The following CUX1 variants were observed in gnomAD, a reference collection of about 807,000 sequenced individuals.
CUX1 encodes the protein protein CASP.
In CUX1, 31 loss-of-function variants were observed where a neutral mutation model predicts 158.8. The observed-to-expected ratio is 0.20, with a 90% CI of 0.15 to 0.26. CUX1 has a LOEUF of 0.26. Ranked by LOEUF, CUX1 falls within the 10% of genes least tolerant of loss-of-function variation. The pLI is 1.00. For missense variants in CUX1, 1,589 were observed against 2,014.6 expected (o/e 0.79, Z 4.04); for synonymous variants, 879 against 862.1 (o/e 1.02, Z -0.34).
At chr7:102,020,769 A>G (rs1049282508) in intron 2 of CUX1, among the ~76,000 whole-genome samples, 1 of 152,110 alleles carries the variant, frequency 6.6e-6, no homozygotes, top group African/African-American at 2.4e-5. Flanking sequence ...AATCCCAGCT[A>G]CTTGGGAAGC....
At position 102,256,507 on chromosome 7, in the gene CUX1, G is replaced by A. The variant is rs1434115976; in HGVS notation, c.*7465G>A. ...CCAAGGCGTCTGGGGGATTGACTGG[G>A]GGGCAGAGGGGGTTTCCCCAGCAAA... On this transcript the variant is annotated 3_prime_UTR_variant, in exon 24 of 24. Transcript: ENST00000292535. 5.1e-6 allele frequency: 5 copies of A among 985,246 alleles called. No homozygotes were observed. The highest frequency in any genetic ancestry group is 6.0e-6 in the Non-Finnish European group (5 of 829,944). The allele number at this position is 985,246 out of a possible 1,614,324, so 61.0% of individuals were successfully genotyped here.
chr7:101,964,733 T>C (rs181057459), intron 2 of CUX1, among the ~76,000 whole-genome samples: 2 of 152,316 alleles, frequency 1.3e-5, no homozygotes, highest in East Asian at 3.9e-4. Flanking sequence ...CAGAATATTA[T>C]CGTTTCAGAG....
chr7:101,840,005 G>A (rs570481667), intron 1 of CUX1, among the ~76,000 whole-genome samples: 13 of 152,268 alleles, frequency 8.5e-5, no homozygotes, highest in South Asian at 4.1e-4. Flanking sequence ...CAGGTGATCC[G>A]TCTGCCTCGG....
intron 8 of CUX1, among the ~76,000 whole-genome samples, chr7:102,144,579 G>A (rs1380857034): frequency 2.0e-5 from 3 of 150,424 alleles, no homozygotes; most frequent in South Asian, 2.1e-4. Flanking sequence ...GCTGAGGTGG[G>A]AGGATTGCTT....
intron 18 of CUX1, chr7:102,278,070 G>C: frequency 6.2e-7 from 1 of 1,602,062 alleles, no homozygotes; most frequent in Non-Finnish European, 8.5e-7. Context: ...GGCCGGGTGA[G>C]GGCCCTCCCC....
intron 3 of CUX1, among the ~76,000 whole-genome samples, chr7:102,063,988 A>T (rs1013012103): frequency 2.0e-5 from 3 of 152,148 alleles, no homozygotes; most frequent in African/African-American, 7.2e-5. Context: ...GAGCCTGCAG[A>T]TCAGGGTAGC....
At chr7:102,128,813 A>T (rs1282793803) in intron 8 of CUX1, among the ~76,000 whole-genome samples, 4 of 151,992 alleles carry the variant, frequency 2.6e-5, no homozygotes, top group African/African-American at 9.7e-5. Context: ...CCCTGTCTCT[A>T]TTAAAAATAC....
At chr7:102,170,710 G>A (rs1017138660) in intron 10 of CUX1, among the ~76,000 whole-genome samples, 160 bp downstream of exon 10, 71 of 152,228 alleles carry the variant, frequency 4.7e-4, no homozygotes, top group African/African-American at 1.3e-3. Flanking sequence ...ATTGGGGGCC[G>A]GAGCTTGTTA....
chr7:102,235,119 G>A (rs896109948), intron 22 of CUX1, among the ~76,000 whole-genome samples: 3 of 152,182 alleles, frequency 2.0e-5, no homozygotes, highest in African/African-American at 4.8e-5. Context: ...ATGTCATCTC[G>A]AATGTGGATT....
At chr7:102,158,499 C>T (rs1790039611) in intron 8 of CUX1, 61 bp from the exon 9 acceptor site, 1 of 1,553,572 alleles carries the variant, frequency 6.4e-7, no homozygotes, top group Admixed American at 1.7e-5. Flanking sequence ...GCTGTCCCAT[C>T]AGTCACCCCC....
Position 102,097,476 on chromosome 7 carries a change from G to A in CUX1, c.381G>A (p.Lys127=). The change falls in exon 5 of 24, where the codon AAG becomes AAA. Residue 127 remains lysine, a synonymous_variant. Coordinates refer to ENST00000292535, the MANE Select transcript of CUX1 (RefSeq NM_181552.4). The part of the protein sequence containing the change: ...KLRETLEEYN[K]EFAEVKNQEV... ...GGGAAACTCTGGAAGAATACAACAA[G>A]GAATTTGCTGAAGTGAAAAATCAAG... is the stretch of plus-strand genomic sequence containing the variant. 1 of 1,605,742 alleles carries A rather than the reference G, an allele frequency of 6.2e-7. No homozygotes were observed.
chr7:101,935,279 T>TTCCTTTACCTACCCAAA (rs1194185656), intron 2 of CUX1, among the ~76,000 whole-genome samples: 1 of 152,166 alleles, frequency 6.6e-6, no homozygotes, highest in Non-Finnish European at 1.5e-5. Flanking sequence ...GACTGTAATT[T>TTCCTTTACCTACCCAAA]TCCTTTACCT....
Position 101,931,632 on chromosome 7 carries a change from C to G in CUX1, c.141+15407C>G, listed in dbSNP as rs542767795. On this transcript the variant is annotated intron_variant, in intron 2 of 23. Transcript: ENST00000292535. Reference sequence around the variant, plus strand: ...CCAGGCTGGAGTGCAATGGCACAATCTCAGCTCACTGCAACCTCTGCCTTC... The same window carrying G: ...CCAGGCTGGAGTGCAATGGCACAATGTCAGCTCACTGCAACCTCTGCCTTC... 1.1e-3 allele frequency among the ~76,000 whole-genome samples: 169 copies of G among 152,276 alleles called. 1 individual carries two copies. Among genetic ancestry groups the G allele is most frequent in the Non-Finnish European group, 1.6e-3 (106 of 68,028 alleles).
At chr7:101,851,562 G>T (rs1459387891) in intron 1 of CUX1, among the ~76,000 whole-genome samples, 1 of 152,180 alleles carries the variant, frequency 6.6e-6, no homozygotes, top group Non-Finnish European at 1.5e-5. Context: ...CAAATCCCAG[G>T]TTGGAAAACA....
chr7:102,204,684 C>A, intron 19 of CUX1, 128 bp downstream of exon 19: 1 of 1,233,564 alleles, frequency 8.1e-7, no homozygotes, highest in Non-Finnish European at 1.1e-6. Flanking sequence ...AACCACACTC[C>A]CCACCGTGGG....
chr7:102,159,783 C>T (rs1450074946), intron 9 of CUX1, among the ~76,000 whole-genome samples: 1 of 152,084 alleles, frequency 6.6e-6, no homozygotes, highest in African/African-American at 2.4e-5. Context: ...ATCACTTGAA[C>T]CCTGGAGGCA....
intron 1 of CUX1, among the ~76,000 whole-genome samples, chr7:101,897,513 A>G (rs1327074477): frequency 6.8e-6 from 1 of 146,078 alleles, no homozygotes; most frequent in Non-Finnish European, 1.5e-5. Flanking sequence ...AAAAAAAAAA[A>G]TAATAATAAT....
At chr7:101,816,391 C>T (rs1451136446), upstream of CUX1, among the ~76,000 whole-genome samples, 2 of 143,266 alleles carry the variant, frequency 1.4e-5, no homozygotes, top group Non-Finnish European at 3.1e-5. Flanking sequence ...ACCCCGGGCG[C>T]CCCCCCGGGC....
intron 14 of CUX1, 21 bp from the exon 15 acceptor site, chr7:102,196,613 T>A: frequency 6.6e-7 from 1 of 1,509,500 alleles, no homozygotes; most frequent in Non-Finnish European, 8.9e-7. Context: ...CATAATGCAT[T>A]CTGTTTGCCC....
Sources: gnomAD v4.1 joint callset for allele counts (sites outside exome capture counted in the v4.1 genomes callset) on GRCh38, gnomAD v4.1.1 for gene constraint, MANE v1.5 for transcripts, NCBI Gene and HGNC (gene_info 2026-07-23, HGNC 2026-07-21) for gene names.